The following NRG1 variants were observed in gnomAD, a reference collection of about 807,000 sequenced individuals.
The protein encoded by NRG1 is pro-neuregulin-1, membrane-bound isoform.
NRG1 carries 18 observed loss-of-function variants against 63.8 expected under a neutral mutation model. The ratio of observed to expected loss-of-function variants is 0.28; its 90% CI spans 0.19 to 0.42. The LOEUF is 0.42. Ranked by LOEUF, NRG1 falls within the 10% of genes least tolerant of loss-of-function variation. The pLI, the probability that NRG1 is intolerant of heterozygous loss-of-function variation, is 1.00. For synonymous variants in NRG1, 302 were observed against 301.3 expected (o/e 1.00, Z -0.02); for missense variants, 762 against 814.7 (o/e 0.94, Z 0.79).
intron 1 of NRG1, among the ~76,000 whole-genome samples, chr8:31,823,398 T>A (rs985770602): frequency 6.6e-6 from 1 of 152,096 alleles, no homozygotes; most frequent in East Asian, 1.9e-4. Flanking sequence ...TATGCTAAAA[T>A]TGTGTGAACT....
chr8:31,699,158 G>A (rs1410070515), intron 1 of NRG1, among the ~76,000 whole-genome samples: 1 of 151,400 alleles, frequency 6.6e-6, no homozygotes, highest in Admixed American at 6.6e-5. Flanking sequence ...GACAGTTCTT[G>A]CATTCATCAT....
At chr8:31,989,855 G>T (rs1327382446) in intron 1 of NRG1, among the ~76,000 whole-genome samples, 1 of 152,064 alleles carries the variant, frequency 6.6e-6, no homozygotes, top group Non-Finnish European at 1.5e-5. Flanking sequence ...TCTCTTGCTT[G>T]TTGATATATG....
At chr8:32,366,739 T>C (rs1226879513) in intron 1 of NRG1, among the ~76,000 whole-genome samples, 6 of 142,170 alleles carry the variant, frequency 4.2e-5, no homozygotes, top group Non-Finnish European at 9.1e-5. Flanking sequence ...TGAGACAGAG[T>C]CTTGCTGTGT....
intron 1 of NRG1, among the ~76,000 whole-genome samples, chr8:32,177,156 T>G (rs931221178): frequency 2.6e-5 from 4 of 152,006 alleles, no homozygotes; most frequent in African/African-American, 4.8e-5. Context: ...CCATAAAAAA[T>G]GATGAGTTCA....
At chr8:32,434,939 T>G (rs1482795354) in intron 1 of NRG1, among the ~76,000 whole-genome samples, 1 of 152,202 alleles carries the variant, frequency 6.6e-6, no homozygotes, top group East Asian at 1.9e-4. Flanking sequence ...TGCTATTTTA[T>G]GTCAGGGAGT....
intron 1 of NRG1, among the ~76,000 whole-genome samples, chr8:32,226,618 T>C (rs1846355353): frequency 6.6e-6 from 1 of 152,152 alleles, no homozygotes; most frequent in African/African-American, 2.4e-5. Flanking sequence ...TTTGGAAAGT[T>C]TGTCTCCTCT....
At chr8:32,398,055 A>G (rs73250448) in intron 1 of NRG1, among the ~76,000 whole-genome samples, 40,752 of 151,968 alleles carry the variant, frequency 0.27, 5,699 homozygotes, top group Middle Eastern at 0.33. Context: ...TAATATACAC[A>G]AACACCTGAT....
At position 32,012,591 on chromosome 8, in the gene NRG1, G is replaced by T. The variant is rs566780320; in HGVS notation, c.37+373160G>T. On this transcript the variant is annotated intron_variant, in intron 1 of 10. Transcript: ENST00000519301. ...CTAGATGGAAATAAGCAAAAGTAGA[G>T]AATTACCAGGGTTTACATTTTGTCT... 8.5e-5 allele frequency among the ~76,000 whole-genome samples: 13 copies of T among 152,206 alleles called. No individual in the cohort carries two copies. The East Asian group carries it at 1.4e-3, about 16-fold the overall frequency.
At chr8:32,729,344 T>C (rs948759631) in intron 6 of NRG1, among the ~76,000 whole-genome samples, 7 of 152,216 alleles carry the variant, frequency 4.6e-5, no homozygotes, top group African/African-American at 9.6e-5. Flanking sequence ...TTTTCCTCTT[T>C]ACCAACAGCT....
At chr8:31,747,172 T>C (rs532645342) in intron 1 of NRG1, among the ~76,000 whole-genome samples, 4 of 152,094 alleles carry the variant, frequency 2.6e-5, no homozygotes, top group East Asian at 3.9e-4. Context: ...AAGAGTGCAG[T>C]TGGATTCTTT....
intron 1 of NRG1, among the ~76,000 whole-genome samples, chr8:32,166,740 A>G (rs147978101): frequency 2.8e-3 from 434 of 152,308 alleles, no homozygotes; most frequent in African/African-American, 9.8e-3. Context: ...TCCTTCCCCT[A>G]TGAAAAGTAG....
At chr8:32,158,199 C>T (rs900498720) in intron 1 of NRG1, among the ~76,000 whole-genome samples, 4 of 151,836 alleles carry the variant, frequency 2.6e-5, no homozygotes, top group Non-Finnish European at 5.9e-5. Context: ...CCCCTTCTCA[C>T]TTACAACTGA....
intron 5 of NRG1, among the ~76,000 whole-genome samples, chr8:32,687,616 G>T (rs760069573): frequency 6.6e-6 from 1 of 152,144 alleles, no homozygotes; most frequent in Non-Finnish European, 1.5e-5. Context: ...CTGGGGAGAT[G>T]ATCTGAATTC....
At chr8:31,674,558 CTT>C (rs33917304) in intron 1 of NRG1, among the ~76,000 whole-genome samples, 222 of 146,946 alleles carry the variant, frequency 1.5e-3, no homozygotes, top group Admixed American at 1.8e-3. Flanking sequence ...CATCTGGGTA[CTT>C]TTTTTTTTTT....
chr8:31,694,332 G>A lies in NRG1; in HGVS notation c.37+54901G>A, dbSNP rs568218991. On this transcript the variant is annotated intron_variant, in intron 1 of 10. Coordinates refer to the NRG1 transcript ENST00000519301. ...TTGTCACTAAATGCTTTATGACTTT[G>A]ATCTCAGCCCTTCTCTGTGTCTAGA... Among the ~76,000 whole-genome samples, 255 of 152,264 alleles carry A rather than the reference G, an allele frequency of 1.7e-3. 3 individuals carry two copies. Among genetic ancestry groups the A allele is most frequent in the African/African-American group, 5.9e-3 (245 of 41,558 alleles).
At chr8:32,047,505 T>C (rs1821197503) in intron 1 of NRG1, among the ~76,000 whole-genome samples, 1 of 152,092 alleles carries the variant, frequency 6.6e-6, no homozygotes, top group South Asian at 2.1e-4. Context: ...GCATCAATTA[T>C]ACCATGATGG....
At chr8:31,672,078 C>T (rs1033271475) in intron 1 of NRG1, among the ~76,000 whole-genome samples, 1 of 152,040 alleles carries the variant, frequency 6.6e-6, no homozygotes, top group Non-Finnish European at 1.5e-5. Context: ...CATCTTAAAG[C>T]TTTTTCAGTT....
chr8:32,609,052 G>A (rs987257286), intron 3 of NRG1, among the ~76,000 whole-genome samples: 3 of 152,160 alleles, frequency 2.0e-5, no homozygotes, highest in African/African-American at 4.8e-5. Flanking sequence ...GGGTGGAGCC[G>A]GAAACATAGC....
chr8:31,787,375 A>T (rs1820277772), intron 1 of NRG1, among the ~76,000 whole-genome samples: 1 of 152,188 alleles, frequency 6.6e-6, no homozygotes, highest in Admixed American at 6.6e-5. Context: ...AATAATGATT[A>T]TCTTCTCTTT....
Sources: allele counts gnomAD v4.1 joint callset (sites outside exome capture counted in the v4.1 genomes callset), GRCh38; gene constraint gnomAD v4.1.1; transcripts MANE v1.5; gene names NCBI Gene and HGNC (gene_info 2026-07-23, HGNC 2026-07-21).